Variants in SEMA5B observed in about 807,000 individuals in gnomAD.
SEMA5B encodes the protein semaphorin 5B.
In SEMA5B, 66 loss-of-function variants were observed where a neutral mutation model predicts 135.0. That is an observed-to-expected ratio of 0.49 (90% CI 0.40 to 0.60). SEMA5B has a LOEUF of 0.60. Among genes scored for constraint, SEMA5B ranks in the 20% least tolerant of loss-of-function variants. SEMA5B has a pLI of 0.00. For missense variants in SEMA5B, 1,501 were observed against 1,566.3 expected, an observed-to-expected ratio of 0.96 and a Z score of 0.70; for synonymous variants, 690 against 639.5, an observed-to-expected ratio of 1.08 and a Z score of -1.19.
chr3:122,945,552 T>C (rs1436689509), intron 3 of SEMA5B, among the ~76,000 whole-genome samples: 2 of 152,178 alleles, frequency 1.3e-5, no homozygotes, highest in East Asian at 3.8e-4. Flanking sequence ...TTGACCACTC[T>C]GAATGTGGTC....
intron 1 of SEMA5B, among the ~76,000 whole-genome samples, chr3:122,984,235 G>A (rs986291782): frequency 2.6e-5 from 4 of 152,222 alleles, no homozygotes; most frequent in Non-Finnish European, 2.9e-5. Flanking sequence ...GCTGGAGGCG[G>A]GCTCTGAAGG....
intron 5 of SEMA5B, 42 bp from the exon 6 acceptor site, chr3:122,929,100 T>C: frequency 6.3e-7 from 1 of 1,576,898 alleles, no homozygotes. Flanking sequence ...CACATGGCTG[T>C]GTCATTTACT....
rs918867252 is a variant in SEMA5B, at chr3:123,027,725, C to T, written c.-300G>A. The T allele has an allele frequency of 6.6e-6, 1 of 152,164 alleles. No homozygotes were observed. The highest frequency in any genetic ancestry group is 2.4e-5 in the African/African-American group (1 of 41,444). The allele number at this position is 152,164 out of a possible 1,614,324, so 9.4% of individuals were successfully genotyped here. On this transcript the variant is annotated 5_prime_UTR_variant, in exon 1 of 23. Coordinates refer to ENST00000357599, the MANE Select transcript of SEMA5B (RefSeq NM_001031702.4). The stretch of plus-strand genomic sequence containing the variant: ...GGCTCTGGCACCAACCCCCGCGCTC[C>T]AACTAGCTCCCGACCCGGCGCTCGG...
chr3:123,015,173 C>T (rs1942528984), intron 1 of SEMA5B, among the ~76,000 whole-genome samples: 1 of 152,196 alleles, frequency 6.6e-6, no homozygotes, highest in Non-Finnish European at 1.5e-5. Flanking sequence ...GACTTCTGGC[C>T]TCCAGGACTG....
At chr3:122,946,687 C>T (rs1035290566) in intron 3 of SEMA5B, among the ~76,000 whole-genome samples, 4 of 152,206 alleles carry the variant, frequency 2.6e-5, no homozygotes, top group African/African-American at 7.2e-5. Flanking sequence ...ACCAACAATA[C>T]GAGATCATTA....
At chr3:123,012,508 C>A (rs1942460570) in intron 1 of SEMA5B, among the ~76,000 whole-genome samples, 1 of 152,188 alleles carries the variant, frequency 6.6e-6, no homozygotes, top group African/African-American at 2.4e-5. Context: ...CTGTATGGAG[C>A]CATCCTCCCC....
intron 17 of SEMA5B, 43 bp downstream of exon 17, chr3:122,913,156 G>T: frequency 6.7e-7 from 1 of 1,482,870 alleles, no homozygotes; most frequent in African/African-American, 1.4e-5. Flanking sequence ...TCACCGCTCC[G>T]GGGCTGGGAG....
intron 1 of SEMA5B, among the ~76,000 whole-genome samples, chr3:123,021,365 AG>A (rs1942670082): frequency 6.6e-6 from 1 of 152,226 alleles, no homozygotes; most frequent in Non-Finnish European, 1.5e-5. Context: ...AGGGAAGAGA[AG>A]CAGAGGGAGC....
At chr3:122,953,035 C>T (rs528642118) in intron 2 of SEMA5B, among the ~76,000 whole-genome samples, 1 of 152,366 alleles carries the variant, frequency 6.6e-6, no homozygotes, top group Non-Finnish European at 1.5e-5. Context: ...ACTGCCCTCA[C>T]ATTGCCCTAA....
chr3:122,935,313 G>A (rs906493402), intron 5 of SEMA5B, among the ~76,000 whole-genome samples: 2 of 152,194 alleles, frequency 1.3e-5, no homozygotes, highest in East Asian at 3.9e-4. Flanking sequence ...TGGAAGTGGG[G>A]CTGGGGGAGC....
At position 122,973,200 on chromosome 3, in the gene SEMA5B, C is replaced by G. The variant is rs112001734; in HGVS notation, c.-38-11899G>C. Among the ~76,000 whole-genome samples, 611 of 152,286 alleles carry G rather than the reference C, an allele frequency of 4.0e-3. 5 individuals are homozygous for G. Among genetic ancestry groups the G allele is most frequent in the African/African-American group, 0.011 (462 of 41,546 alleles). Reference sequence around the variant, plus strand: ...GATGGACTATCATCCCAGTCTGAGCCCCTGACTCCAGCCTGTGTTCAGGCT... The same window carrying G: ...GATGGACTATCATCCCAGTCTGAGCGCCTGACTCCAGCCTGTGTTCAGGCT... On this transcript the variant is annotated intron_variant, in intron 1 of 22. Coordinates refer to ENST00000357599, the MANE Select transcript of SEMA5B (RefSeq NM_001031702.4).
intron 1 of SEMA5B, among the ~76,000 whole-genome samples, chr3:123,008,468 C>A (rs1158283547): frequency 6.6e-6 from 1 of 152,020 alleles, no homozygotes; most frequent in East Asian, 1.9e-4. Context: ...GGAGAAGGGG[C>A]CTCGTGCATC....
chr3:122,966,294 A>C (rs1940814361), intron 1 of SEMA5B, among the ~76,000 whole-genome samples: 1 of 152,106 alleles, frequency 6.6e-6, no homozygotes, highest in African/African-American at 2.4e-5. Flanking sequence ...ACAGTTGATA[A>C]ATGTTTTCAT....
intron 1 of SEMA5B, among the ~76,000 whole-genome samples, chr3:123,026,152 G>A (rs1319667102): frequency 6.6e-6 from 1 of 152,192 alleles, no homozygotes; most frequent in Non-Finnish European, 1.5e-5. Context: ...ATTCACTAGG[G>A]GCTGAAGGAA....
chr3:122,912,891 C>G lies in SEMA5B; in HGVS notation c.2677G>C (p.Val893Leu), dbSNP rs779789464. Residue 893 changes from valine (V) to leucine (L), a missense_variant, in exon 18 of 23, where the codon GTG becomes CTG. Physicochemically the swap from Val to Leu is conservative, Grantham distance 32. Around this residue, in one of 2 missense-constraint regions of SEMA5B, gnomAD observed 927 missense variants for 881.6 expected, o/e 1.05. Coordinates refer to ENST00000357599, the MANE Select transcript of SEMA5B (RefSeq NM_001031702.4). ...PEPRNGGLPCVGDAAEYQDCN... is the reference protein window; with the variant it reads ...PEPRNGGLPCLGDAAEYQDCN... ...TCCTGGTACTCGGCAGCATCGCCCA[C>G]GCAGGGCAGGCCCCCGTTGCGGGGC... 1 of 1,609,222 alleles carries G rather than the reference C, an allele frequency of 6.2e-7. No homozygotes were observed. Among genetic ancestry groups the G allele is most frequent in the African/African-American group, 1.3e-5 (1 of 74,574 alleles).
intron 7 of SEMA5B, 78 bp downstream of exon 7, chr3:122,928,439 C>T (rs771441462): frequency 2.5e-4 from 287 of 1,145,988 alleles, no homozygotes; most frequent in Non-Finnish European, 3.1e-4. Flanking sequence ...TGGTAACCCC[C>T]CTTCAAGGCT....
chr3:122,989,552 G>A (rs912965416), intron 1 of SEMA5B, among the ~76,000 whole-genome samples: 6 of 152,182 alleles, frequency 3.9e-5, no homozygotes, highest in Non-Finnish European at 8.8e-5. Flanking sequence ...GGACCTCTCT[G>A]TCTCTATTCC....
intron 11 of SEMA5B, 36 bp downstream of exon 11, chr3:122,922,204 C>A: frequency 6.3e-7 from 1 of 1,589,198 alleles, no homozygotes; most frequent in Non-Finnish European, 8.6e-7. Context: ...CAACCCACCC[C>A]CGACCTGCAG....
At chr3:123,024,493 T>A (rs970382465) in intron 1 of SEMA5B, among the ~76,000 whole-genome samples, 1 of 152,250 alleles carries the variant, frequency 6.6e-6, no homozygotes, top group Non-Finnish European at 1.5e-5. Context: ...CCCACTGGAT[T>A]CCCAGTGGGA....
Sources: allele counts gnomAD v4.1 joint callset (sites outside exome capture counted in the v4.1 genomes callset), GRCh38; gene constraint gnomAD v4.1.1; regional missense constraint gnomAD v4.1.1; transcripts MANE v1.5; gene names NCBI Gene and HGNC (gene_info 2026-07-23, HGNC 2026-07-21).